The following NKAIN2 variants were observed in gnomAD, a reference collection of about 807,000 sequenced individuals.
NKAIN2 encodes the protein sodium/potassium transporting ATPase interacting 2, also known as sodium/potassium-transporting ATPase subunit beta-1-interacting protein 2.
A neutral mutation model predicts 32.6 loss-of-function variants in NKAIN2; 14 were observed. That is an observed-to-expected ratio of 0.43 (90% CI 0.28 to 0.67). NKAIN2 has a LOEUF of 0.67. Among genes scored for constraint, NKAIN2 ranks in the 30% least tolerant of loss-of-function variants. NKAIN2 has a pLI of 0.17. For missense variants in NKAIN2, 198 were observed against 258.3 expected, an observed-to-expected ratio of 0.77 and a Z score of 1.60; for synonymous variants, 80 against 87.2, an observed-to-expected ratio of 0.92 and a Z score of 0.46.
In NKAIN2 at chr6:124,625,128, T is replaced by TGACA. The variant is rs1783264102; in HGVS notation, c.274-33057_274-33054dup. On this transcript the variant is annotated intron_variant, in intron 3 of 6. Transcript: ENST00000368417. Reference sequence around the variant, plus strand: ...GATCTGTGTTTGCCCCCTGTCTTCCTGACACTAGAGTTTTCTTCATTCCAT... The same window carrying TGACA: ...GATCTGTGTTTGCCCCCTGTCTTCCTGACAGACACTAGAGTTTTCTTCATTCCAT... Among the ~76,000 whole-genome samples, 11 of 152,262 alleles carry TGACA rather than the reference T, an allele frequency of 7.2e-5. No homozygotes were observed. In the South Asian group the frequency reaches 2.3e-3, roughly 32 times the overall value.
chr6:123,857,461 A>G (rs1408531088), intron 1 of NKAIN2, among the ~76,000 whole-genome samples: 4 of 152,042 alleles, frequency 2.6e-5, no homozygotes, highest in East Asian at 3.8e-4. Flanking sequence ...ACATGCAACT[A>G]TGTTTTTTTA....
chr6:124,584,876 C>T (rs1271142820), intron 3 of NKAIN2, among the ~76,000 whole-genome samples: 1 of 152,138 alleles, frequency 6.6e-6, no homozygotes, highest in Non-Finnish European at 1.5e-5. Context: ...TTCATACCAT[C>T]ACTATGGAGA....
chr6:124,203,736 T>G (rs1246275937), intron 1 of NKAIN2, among the ~76,000 whole-genome samples: 1 of 151,690 alleles, frequency 6.6e-6, no homozygotes, highest in Non-Finnish European at 1.5e-5. Flanking sequence ...TAGTGAGAAT[T>G]AGAGAGAGGA....
intron 3 of NKAIN2, among the ~76,000 whole-genome samples, chr6:124,558,587 C>G (rs2114885400): frequency 6.6e-6 from 1 of 152,270 alleles, no homozygotes; most frequent in South Asian, 2.1e-4. Flanking sequence ...GCCTGATCTG[C>G]TTTTCAAGAT....
chr6:124,480,870 C>A (rs932931563), intron 3 of NKAIN2, among the ~76,000 whole-genome samples: 1 of 152,044 alleles, frequency 6.6e-6, no homozygotes, highest in Non-Finnish European at 1.5e-5. Flanking sequence ...CTAAGAATGA[C>A]GCTTTACATT....
intron 4 of NKAIN2, among the ~76,000 whole-genome samples, chr6:124,761,644 C>G (rs1041302969): frequency 5.9e-5 from 9 of 152,182 alleles, no homozygotes; most frequent in African/African-American, 2.2e-4. Flanking sequence ...AAACATTTTA[C>G]CCCTTCCTTA....
chr6:123,988,322 A>G (rs562420473), intron 1 of NKAIN2, among the ~76,000 whole-genome samples: 1 of 152,342 alleles, frequency 6.6e-6, no homozygotes, highest in Admixed American at 6.5e-5. Context: ...ATGAACAAAA[A>G]TAAGTCTTCA....
chr6:124,725,483 A>T lies in NKAIN2; in HGVS notation c.475-65856A>T, dbSNP rs1018622031. Reference sequence around the variant, plus strand: ...TCCTAAGCCCTGTTCTATTTTTAAAACTAAAGATCTTTTAGAGAAAGAATC... The same window carrying T: ...TCCTAAGCCCTGTTCTATTTTTAAATCTAAAGATCTTTTAGAGAAAGAATC... On this transcript the variant is annotated intron_variant, in intron 4 of 6. Transcript: ENST00000368417. Among the ~76,000 whole-genome samples, 13 of 152,218 alleles carry T rather than the reference A, an allele frequency of 8.5e-5. 1 individual carries two copies. The highest frequency in any genetic ancestry group is 5.9e-4 in the Admixed American group (9 of 15,298).
chr6:124,715,341 G>T (rs1022767332), intron 4 of NKAIN2, among the ~76,000 whole-genome samples: 2 of 152,124 alleles, frequency 1.3e-5, no homozygotes, highest in African/African-American at 4.8e-5. Flanking sequence ...GGGAGATACA[G>T]GTGAAAGGCT....
intron 1 of NKAIN2, among the ~76,000 whole-genome samples, chr6:124,039,373 A>G (rs1393019963): frequency 1.3e-5 from 2 of 151,854 alleles, no homozygotes; most frequent in South Asian, 2.1e-4. Flanking sequence ...TTTCTGTTTG[A>G]TTACTGCAAA....
chr6:124,384,838 C>T (rs1010638885), intron 3 of NKAIN2, among the ~76,000 whole-genome samples: 2 of 152,052 alleles, frequency 1.3e-5, no homozygotes, highest in African/African-American at 4.8e-5. Flanking sequence ...GCCCAGGCTG[C>T]TCTGAAACTC....
intron 2 of NKAIN2, among the ~76,000 whole-genome samples, chr6:124,303,573 G>A (rs1321945124): frequency 6.6e-6 from 1 of 152,040 alleles, no homozygotes; most frequent in Non-Finnish European, 1.5e-5. Context: ...TCAGTACGTG[G>A]TCTTCCACTA....
chr6:124,021,964 A>G (rs928941744), intron 1 of NKAIN2, among the ~76,000 whole-genome samples: 14 of 152,148 alleles, frequency 9.2e-5, no homozygotes, highest in African/African-American at 2.9e-4. Flanking sequence ...TTACATATGT[A>G]TACATGTGCT....
At chr6:123,851,106 TTAGGTTGATTCCA>T (rs1163940094) in intron 1 of NKAIN2, among the ~76,000 whole-genome samples, 2 of 152,164 alleles carry the variant, frequency 1.3e-5, no homozygotes, top group Non-Finnish European at 2.9e-5. Flanking sequence ...TGATGGACAC[TTAGGTTGATTCCA>T]TATTATGGCT....
intron 1 of NKAIN2, among the ~76,000 whole-genome samples, chr6:124,001,739 T>A (rs1779883609): frequency 6.7e-6 from 1 of 149,496 alleles, no homozygotes; most frequent in East Asian, 2.0e-4. Context: ...CTATAAGAAA[T>A]CAATTACTAT....
chr6:124,634,753 T>C (rs1168667907), intron 3 of NKAIN2, among the ~76,000 whole-genome samples: 1 of 152,038 alleles, frequency 6.6e-6, no homozygotes, highest in Non-Finnish European at 1.5e-5. Context: ...TTCCCAAATA[T>C]AATCAACCCA....
chr6:124,178,105 T>C (rs1025419276), intron 1 of NKAIN2, among the ~76,000 whole-genome samples: 1 of 151,818 alleles, frequency 6.6e-6, no homozygotes, highest in Non-Finnish European at 1.5e-5. Flanking sequence ...CATTTTACCA[T>C]GTGAAGATGC....
rs541033829 is a variant in NKAIN2, at chr6:123,804,145, G to A, written c.-56G>A. 119 of 1,505,556 alleles carry A rather than the reference G, an allele frequency of 7.9e-5. No individual in the cohort carries two copies. The African/African-American group carries it at 1.4e-3, about 18-fold the overall frequency. The allele number at this position is 1,505,556 out of a possible 1,614,324, so 93.3% of individuals were successfully genotyped here. A position where few individuals can be genotyped will look rare whatever the true frequency, so the allele number is the denominator to read the frequency against. On this transcript the variant is annotated 5_prime_UTR_variant, in exon 1 of 7. Coordinates refer to ENST00000368417, the MANE Select transcript of NKAIN2 (RefSeq NM_001040214.3). ...CCCGCGATCTGATTGGATAAAGTGG[G>A]GGCTCGACGGTGGCCGACGTGGGAC... is the stretch of plus-strand genomic sequence containing the variant.
chr6:124,791,949 C>A (rs950811955), intron 5 of NKAIN2, among the ~76,000 whole-genome samples: 2 of 152,098 alleles, frequency 1.3e-5, no homozygotes, highest in African/African-American at 4.8e-5. Flanking sequence ...GTCAAAGTCT[C>A]AACATTGAGA....
Sources: gnomAD v4.1 joint callset for allele counts (sites outside exome capture counted in the v4.1 genomes callset) on GRCh38, gnomAD v4.1.1 for gene constraint, MANE v1.5 for transcripts, NCBI Gene and HGNC (gene_info 2026-07-23, HGNC 2026-07-21) for gene names.